The following FOXP1 variants were observed in gnomAD, a reference collection of about 807,000 sequenced individuals.
The protein encoded by FOXP1 is forkhead box P1.
Under a neutral mutation model 98.2 loss-of-function variants are expected in FOXP1, and 15 were observed. The observed-to-expected ratio is 0.15, with a 90% CI of 0.10 to 0.24. The LOEUF (loss-of-function observed/expected upper bound fraction) is 0.24, where lower values mean the gene tolerates loss of function less well. Among genes scored for constraint, FOXP1 ranks in the 10% least tolerant of loss-of-function variants. The pLI is 1.00. For synonymous variants in FOXP1, 371 were observed against 314.5 expected, an observed-to-expected ratio of 1.18 and a Z score of -1.90; for missense variants, 633 against 848.5, an observed-to-expected ratio of 0.75 and a Z score of 3.15.
intron 3 of FOXP1, among the ~76,000 whole-genome samples, chr3:71,368,618 G>C (rs1266469481): frequency 6.6e-6 from 1 of 152,052 alleles, no homozygotes; most frequent in African/African-American, 2.4e-5. Flanking sequence ...TGTTGGGACT[G>C]TCACATGATA....
intron 3 of FOXP1, among the ~76,000 whole-genome samples, chr3:71,361,571 T>C (rs1348089640): frequency 6.6e-6 from 1 of 152,164 alleles, no homozygotes; most frequent in Admixed American, 6.5e-5. Flanking sequence ...CCAAGGGATG[T>C]GGGAGGATAA....
chr3:71,211,658 G>A (rs2108460700), intron 5 of FOXP1, among the ~76,000 whole-genome samples: 1 of 152,232 alleles, frequency 6.6e-6, no homozygotes, highest in Admixed American at 6.5e-5. Context: ...TAGTTCTAAA[G>A]AGGCCTTGGG....
rs564833463 is a variant in FOXP1 at position 71,121,176 on chromosome 3, T to G, written c.181-8539A>C. Reference sequence around the variant, plus strand: ...TCCTGCGCACCAACTACAGGAGACATGGACAGAGAGAGATGCCGAAGGCTC... The same window carrying G: ...TCCTGCGCACCAACTACAGGAGACAGGGACAGAGAGAGATGCCGAAGGCTC... On this transcript the variant is annotated intron_variant, in intron 6 of 20. Transcript: ENST00000649528. Among the ~76,000 whole-genome samples, 164 of 151,940 alleles carry G rather than the reference T, an allele frequency of 1.1e-3. 1 individual carries two copies. The highest frequency in any genetic ancestry group is 7.9e-4 in the Non-Finnish European group (54 of 67,944).
intron 3 of FOXP1, among the ~76,000 whole-genome samples, chr3:71,384,909 C>T (rs1015188773): frequency 1.3e-5 from 2 of 152,134 alleles, no homozygotes; most frequent in African/African-American, 4.8e-5. Context: ...AAGGAAATCA[C>T]TTAGTGGTAT....
At chr3:71,357,547 C>T (rs72957353) in intron 4 of FOXP1, among the ~76,000 whole-genome samples, 8,156 of 152,190 alleles carry the variant, frequency 0.054, 593 homozygotes, top group African/African-American at 0.16. Context: ...AGTACTAGAA[C>T]CCAGAATTTA....
rs1225907909 is a variant in FOXP1, at chr3:71,257,877, A to G, written c.-12+41943T>C. ...AAGACACATCATCTTTCTGGACCTA[A>G]GTTTTCTCATCTGTAAAATGGGGGT... On this transcript the variant is annotated intron_variant, in intron 5 of 20. Coordinates refer to ENST00000649528, the MANE Select transcript of FOXP1 (RefSeq NM_001349338.3). Among the ~76,000 whole-genome samples the G allele has an allele frequency of 2.0e-5, 3 of 152,238 alleles. No homozygotes were observed. In the East Asian group the frequency reaches 5.8e-4, roughly 29 times the overall value.
At position 70,957,641 on chromosome 3, in the gene FOXP1, G is replaced by A. The variant is rs2032138074; in HGVS notation, c.*1606C>T. ...AGTGGGTGCAGAGCTGAAGTGTGGA[G>A]GGGTTCTAAGGACTGAGGTTGTACT... On this transcript the variant is annotated 3_prime_UTR_variant, in exon 21 of 21. Coordinates refer to ENST00000649528, the MANE Select transcript of FOXP1 (RefSeq NM_001349338.3). The A allele has an allele frequency of 4.3e-6, 1 of 232,930 alleles. No homozygotes were observed. Among genetic ancestry groups the A allele is most frequent in the South Asian group, 1.8e-4 (1 of 5,526 alleles). The allele number at this position is 232,930 out of a possible 1,614,324, so 14.4% of individuals were successfully genotyped here.
chr3:71,258,134 G>A (rs540666919), intron 5 of FOXP1, among the ~76,000 whole-genome samples: 6 of 152,114 alleles, frequency 3.9e-5, no homozygotes, highest in Non-Finnish European at 7.4e-5. Flanking sequence ...TGTGGCTTTC[G>A]AATCTGAAAA....
intron 4 of FOXP1, among the ~76,000 whole-genome samples, chr3:71,300,744 A>G (rs992457361): frequency 2.0e-5 from 3 of 152,202 alleles, no homozygotes; most frequent in African/African-American, 7.2e-5. Flanking sequence ...ATATCCATTG[A>G]CCAAATGCTC....
chr3:71,582,493 G>C (rs1043160643), intron 1 of FOXP1: 1 of 985,454 alleles, frequency 1.0e-6, no homozygotes, highest in Non-Finnish European at 1.2e-6. Flanking sequence ...AAGGCTGCGC[G>C]CAAGCGAGGG....
At chr3:71,436,946 A>G (rs926144918) in intron 3 of FOXP1, among the ~76,000 whole-genome samples, 8 of 152,220 alleles carry the variant, frequency 5.3e-5, no homozygotes, top group Admixed American at 4.6e-4. Flanking sequence ...CTATCAAATT[A>G]GGGAATATTT....
chr3:71,059,791 A>T (rs1440560881), intron 7 of FOXP1, among the ~76,000 whole-genome samples: 1 of 152,156 alleles, frequency 6.6e-6, no homozygotes, highest in Non-Finnish European at 1.5e-5. Flanking sequence ...GGTACCCCAG[A>T]AAAGATTCTA....
chr3:71,504,304 C>T (rs549593490), intron 2 of FOXP1, among the ~76,000 whole-genome samples: 28 of 152,128 alleles, frequency 1.8e-4, no homozygotes, highest in Middle Eastern at 6.8e-3. Context: ...GGAGCAGAAA[C>T]GAAATTTCAG....
At chr3:71,552,337 A>C (rs960230647) in intron 2 of FOXP1, among the ~76,000 whole-genome samples, 4 of 152,148 alleles carry the variant, frequency 2.6e-5, no homozygotes, top group African/African-American at 9.6e-5. Flanking sequence ...AACTATGTAC[A>C]TATTAAAAAT....
chr3:71,219,505 A>G (rs1295947359), intron 5 of FOXP1, among the ~76,000 whole-genome samples: 1 of 152,256 alleles, frequency 6.6e-6, no homozygotes, highest in African/African-American at 2.4e-5. Context: ...CAACTTGGGT[A>G]TGTGAATCTC....
chr3:71,573,904 C>A lies in FOXP1; in HGVS notation c.-298+7645G>T, dbSNP rs921726319. ...AATGAAATATCAGTTAATTACTTAA[C>A]CTTTCTTAATGAAATGATTAACATT... On this transcript the variant is annotated intron_variant, in intron 2 of 20. Coordinates refer to ENST00000649528, the MANE Select transcript of FOXP1 (RefSeq NM_001349338.3). 5 of 152,184 alleles carry A rather than the reference C, an allele frequency of 3.3e-5. 1 individual carries two copies. The highest frequency in any genetic ancestry group is 3.3e-4 in the Admixed American group (5 of 15,276). The allele number at this position is 152,184 out of a possible 1,614,324, so 9.4% of individuals were successfully genotyped here.
intron 4 of FOXP1, among the ~76,000 whole-genome samples, chr3:71,337,925 G>A (rs865973807): frequency 2.0e-5 from 3 of 152,170 alleles, no homozygotes; most frequent in Non-Finnish European, 4.4e-5. Context: ...ATGTACCTCC[G>A]TTATACACAA....
chr3:71,102,878 T>C (rs1452552013), intron 7 of FOXP1, among the ~76,000 whole-genome samples: 8 of 152,300 alleles, frequency 5.3e-5, no homozygotes, highest in South Asian at 2.1e-4. Context: ...CTCTGCCACT[T>C]ATCAGCTGTA....
At chr3:70,973,847 C>G (rs1460792798) in intron 17 of FOXP1, among the ~76,000 whole-genome samples, 3 of 110,238 alleles carry the variant, frequency 2.7e-5, no homozygotes, top group Admixed American at 2.7e-4. Flanking sequence ...CCCCCCCCCC[C>G]CACCCCCCAA....
Sources: gnomAD v4.1 joint callset for allele counts (sites outside exome capture counted in the v4.1 genomes callset) on GRCh38, gnomAD v4.1.1 for gene constraint, MANE v1.5 for transcripts, NCBI Gene and HGNC (gene_info 2026-07-23, HGNC 2026-07-21) for gene names.